The following SCIMP variants were observed in gnomAD, a reference collection of about 807,000 sequenced individuals.
The protein encoded by SCIMP is SLP adaptor and CSK interacting membrane protein.
In SCIMP, 18 loss-of-function variants were observed where a neutral mutation model predicts 22.0. That is an observed-to-expected ratio of 0.82 (90% confidence interval 0.56 to 1.21). The LOEUF (loss-of-function observed/expected upper bound fraction) is 1.21, where lower values mean the gene tolerates loss of function less well. SCIMP is among the 50% of genes most tolerant of loss of function. The pLI is 0.00. For synonymous variants in SCIMP, 53 were observed against 62.2 expected (o/e 0.85, Z 0.70); for missense variants, 155 against 171.2 (o/e 0.91, Z 0.53).
intron 4 of SCIMP, 114 bp from the exon 5 acceptor site, chr17:5,211,069 C>A: frequency 7.0e-7 from 1 of 1,432,578 alleles, no homozygotes; most frequent in Non-Finnish European, 9.3e-7. Context: ...TTCTAGTGGG[C>A]CAGATCCCCA....
At chr17:5,224,257 C>T (rs1158253465) in intron 1 of SCIMP, among the ~76,000 whole-genome samples, 3 of 151,704 alleles carry the variant, frequency 2.0e-5, no homozygotes, top group African/African-American at 7.3e-5. Flanking sequence ...GCCTCAGCCT[C>T]CCGAGTAGCT....
chr17:5,219,215 A>G (rs2074587581), intron 3 of SCIMP, among the ~76,000 whole-genome samples: 1 of 152,116 alleles, frequency 6.6e-6, no homozygotes, highest in Admixed American at 6.6e-5. Flanking sequence ...GCTATTCAGG[A>G]GACTGAGGCA....
chr17:5,212,562 A>T (rs1033721100), intron 4 of SCIMP, among the ~76,000 whole-genome samples: 1 of 152,112 alleles, frequency 6.6e-6, no homozygotes, highest in African/African-American at 2.4e-5. Context: ...TGAACTCGGG[A>T]GGTGGAGCTT....
At chr17:5,221,461 G>A in intron 2 of SCIMP, 111 bp from the exon 3 acceptor site, 1 of 806,384 alleles carries the variant, frequency 1.2e-6, no homozygotes, top group Non-Finnish European at 2.1e-6. Context: ...GATAGAGCCG[G>A]ACTTAGAACC....
Position 5,209,970 on chromosome 17 carries a change from A to C in SCIMP, c.*831T>G, listed in dbSNP as rs1269960136. ...CTCATCTTGTATATGCCATTGTTAC[A>C]TGCCCCTTTTCTTTCCTGTTCCCCA... On this transcript the variant is annotated 3_prime_UTR_variant, in exon 5 of 5. Coordinates refer to ENST00000574081, the MANE Select transcript of SCIMP (RefSeq NM_207103.3). 6.6e-6 allele frequency: 1 copy of C among 152,178 alleles called. No individual in the cohort carries two copies. Among genetic ancestry groups the C allele is most frequent in the East Asian group, 1.9e-4 (1 of 5,200 alleles). The allele number at this position is 152,178 out of a possible 1,614,324, so 9.4% of individuals were successfully genotyped here.
intron 1 of SCIMP, among the ~76,000 whole-genome samples, chr17:5,225,410 A>C (rs958371268): frequency 2.0e-5 from 3 of 151,996 alleles, no homozygotes; most frequent in Admixed American, 6.6e-5. Context: ...GGTGGCAGTA[A>C]GCCGAGATCA....
Position 5,209,097 on chromosome 17 carries a change from A to AT in SCIMP, c.*1703dup, listed in dbSNP as rs1301758708. On this transcript the variant is annotated 3_prime_UTR_variant, in exon 5 of 5. Transcript: ENST00000574081. ...CAGAGTCCCATAAGGCCATAGTTAG[A>AT]TAACTACTGGCCTAACATAAGGAGG... 2 of 152,160 alleles carry AT rather than the reference A, an allele frequency of 1.3e-5. No homozygotes were observed. The highest frequency in any genetic ancestry group is 4.8e-5 in the African/African-American group (2 of 41,430). The allele number at this position is 152,160 out of a possible 1,614,324, so 9.4% of individuals were successfully genotyped here. A position where few individuals can be genotyped will look rare whatever the true frequency, so the allele number is the denominator to read the frequency against.
chr17:5,221,359 G>C lies in SCIMP; in HGVS notation c.146-9C>G, dbSNP rs1361487439. Reference sequence around the variant, plus strand: ...AATTTCCCATTTCTTGCCTAAGAGGGGAAAAGCATGTTCATTGAAGAAGAA... The same window carrying C: ...AATTTCCCATTTCTTGCCTAAGAGGCGAAAAGCATGTTCATTGAAGAAGAA... On this transcript the variant is annotated splice_polypyrimidine_tract_variant and intron_variant, in intron 2 of 4. Transcript: ENST00000574081. 3 of 1,607,658 alleles carry C rather than the reference G, an allele frequency of 1.9e-6. No homozygotes were observed. The highest frequency in any genetic ancestry group is 2.2e-5 in the South Asian group (2 of 90,918).
intron 1 of SCIMP, among the ~76,000 whole-genome samples, chr17:5,233,634 G>A (rs541910711): frequency 1.3e-5 from 2 of 152,250 alleles, no homozygotes; most frequent in Admixed American, 6.5e-5. Context: ...GCCTCCCAAA[G>A]TGCTGGGATT....
intron 1 of SCIMP, among the ~76,000 whole-genome samples, chr17:5,228,533 T>C (rs1175110480): frequency 6.6e-6 from 1 of 151,870 alleles, no homozygotes; most frequent in Non-Finnish European, 1.5e-5. Flanking sequence ...TAGTCCCAGC[T>C]ACTCAAGAAG....
Position 5,214,986 on chromosome 17 carries a change from A to G in SCIMP, c.222T>C (p.Asn74=). ...DEEKMYENVL[N]ESPVQLPPLP... ...GAGGCGGTAATTGAACTGGCGACTC[A>G]TTAAGAACATTCCTAGAGAGAGAGA... is the stretch of plus-strand genomic sequence containing the variant. Residue 74 remains asparagine, a synonymous_variant, in exon 4 of 5, where the codon AAT becomes AAC. Coordinates refer to ENST00000574081, the MANE Select transcript of SCIMP (RefSeq NM_207103.3). 2.5e-6 allele frequency: 4 copies of G among 1,608,396 alleles called. 1 individual carries two copies. The African/African-American group carries it at 5.3e-5, about 21-fold the overall frequency.
intron 3 of SCIMP, among the ~76,000 whole-genome samples, chr17:5,217,283 C>T (rs1253339289): frequency 6.6e-6 from 1 of 152,094 alleles, no homozygotes; most frequent in Non-Finnish European, 1.5e-5. Flanking sequence ...TGCCTGTGAA[C>T]TGGTTAGGAA....
intron 1 of SCIMP, among the ~76,000 whole-genome samples, chr17:5,224,870 G>A (rs186424379): frequency 6.6e-6 from 1 of 152,286 alleles, no homozygotes; most frequent in Admixed American, 6.5e-5. Context: ...CTCTTTGAGT[G>A]AGTTATGGTC....
At chr17:5,211,262 C>T (rs1416499691) in intron 4 of SCIMP, among the ~76,000 whole-genome samples, 1 of 152,198 alleles carries the variant, frequency 6.6e-6, no homozygotes, top group Non-Finnish European at 1.5e-5. Context: ...AAGCTCACAC[C>T]TGTAGTCCCA....
At chr17:5,219,037 C>T (rs992822457) in intron 3 of SCIMP, among the ~76,000 whole-genome samples, 5 of 151,880 alleles carry the variant, frequency 3.3e-5, no homozygotes, top group African/African-American at 7.2e-5. Flanking sequence ...AGAGTGTCTC[C>T]GGCCGGGCGT....
intron 3 of SCIMP, among the ~76,000 whole-genome samples, chr17:5,218,675 C>T (rs535566905): frequency 6.6e-6 from 1 of 152,268 alleles, no homozygotes; most frequent in African/African-American, 2.4e-5. Context: ...ATTTAGTCAC[C>T]TGACTGCCTG....
In SCIMP at chr17:5,224,645, C is replaced by T. The variant is rs536855944; in HGVS notation, c.22-1189G>A. On this transcript the variant is annotated intron_variant, in intron 1 of 4. Coordinates refer to ENST00000574081, the MANE Select transcript of SCIMP (RefSeq NM_207103.3). ...CTAATTTTTATATTTTTAGTAGAGA[C>T]GGGGTTTCATCATGTTGGCCAAGCT... 3.3e-5 allele frequency among the ~76,000 whole-genome samples: 5 copies of T among 151,778 alleles called. 1 individual carries two copies. The highest frequency in any genetic ancestry group is 9.7e-5 in the African/African-American group (4 of 41,338).
chr17:5,217,607 CTGTGTCCA>C (rs2074575312), intron 3 of SCIMP, among the ~76,000 whole-genome samples: 1 of 137,492 alleles, frequency 7.3e-6, no homozygotes, highest in South Asian at 2.6e-4. Context: ...GTTCCCCTTC[CTGTGTCCA>C]TGTGTTCTCA....
chr17:5,226,885 C>T (rs973937107), intron 1 of SCIMP, among the ~76,000 whole-genome samples: 5 of 152,100 alleles, frequency 3.3e-5, no homozygotes, highest in Non-Finnish European at 7.3e-5. Context: ...AAGAGAATCA[C>T]ATCCTAGTTC....
Sources: allele counts gnomAD v4.1 joint callset (sites outside exome capture counted in the v4.1 genomes callset), GRCh38; gene constraint gnomAD v4.1.1; transcripts MANE v1.5; gene names NCBI Gene and HGNC (gene_info 2026-07-23, HGNC 2026-07-21).